Variants in SH3RF3 observed in about 807,000 individuals in gnomAD.
SH3RF3 encodes SH3 domain containing ring finger 3, also known as E3 ubiquitin-protein ligase SH3RF3.
SH3RF3 carries 29 observed loss-of-function variants against 66.3 expected under a neutral mutation model. The observed-to-expected ratio is 0.44, with a 90% CI of 0.33 to 0.60. The LOEUF is 0.60. SH3RF3 is among the 20% of genes least tolerant of loss of function. The pLI is 0.04. For synonymous variants in SH3RF3, 583 were observed against 532.0 expected (o/e 1.10, Z -1.32); for missense variants, 1,194 against 1,190.9 (o/e 1.00, Z -0.04).
intron 8 of SH3RF3, among the ~76,000 whole-genome samples, chr2:109,484,170 G>C (rs1033739426): frequency 6.6e-6 from 1 of 151,200 alleles, no homozygotes; most frequent in Non-Finnish European, 1.5e-5. Flanking sequence ...GGGTTCAAGC[G>C]ATTCTCCTGC....
chr2:109,302,118 A>G (rs1681483062), intron 1 of SH3RF3, among the ~76,000 whole-genome samples: 1 of 152,184 alleles, frequency 6.6e-6, no homozygotes, highest in Non-Finnish European at 1.5e-5. Flanking sequence ...CAGAGAATGG[A>G]GAGGCTGGTC....
chr2:109,244,888 G>A (rs1679876890), intron 1 of SH3RF3, among the ~76,000 whole-genome samples: 1 of 152,224 alleles, frequency 6.6e-6, no homozygotes, highest in African/African-American at 2.4e-5. Flanking sequence ...ATTCTGCAGG[G>A]TGTGGACACA....
Position 109,442,050 on chromosome 2 carries a change from G to A in SH3RF3, c.1828+4904G>A, listed in dbSNP as rs931228369. Among the ~76,000 whole-genome samples the A allele has an allele frequency of 7.9e-5, 12 of 152,268 alleles. 1 individual carries two copies. Among genetic ancestry groups the A allele is most frequent in the South Asian group, 2.1e-4 (1 of 4,822 alleles). Reference sequence around the variant, plus strand: ...CTATTGGCCAGGCACAGTGGCTCACGCCTGTAATCCCAGCACTTTGGGAGG... The same window carrying A: ...CTATTGGCCAGGCACAGTGGCTCACACCTGTAATCCCAGCACTTTGGGAGG... On this transcript the variant is annotated intron_variant, in intron 7 of 9. Transcript: ENST00000309415.
chr2:109,350,666 C>T (rs969778867), intron 2 of SH3RF3, among the ~76,000 whole-genome samples: 9 of 152,214 alleles, frequency 5.9e-5, no homozygotes, highest in Admixed American at 3.9e-4. Flanking sequence ...TTTTCCCCCA[C>T]GGTGGGTCCG....
chr2:109,305,080 A>G (rs1681559745), intron 1 of SH3RF3, among the ~76,000 whole-genome samples: 1 of 152,216 alleles, frequency 6.6e-6, no homozygotes, highest in Non-Finnish European at 1.5e-5. Context: ...ATTTGGGTCC[A>G]TGCTGTAAGA....
At chr2:109,460,989 C>T (rs1197885078) in intron 8 of SH3RF3, among the ~76,000 whole-genome samples, 1 of 152,228 alleles carries the variant, frequency 6.6e-6, no homozygotes, top group African/African-American at 2.4e-5. Flanking sequence ...GAACCAGGCT[C>T]AAGTCTTATC....
chr2:109,261,484 G>A (rs974295132), intron 1 of SH3RF3, among the ~76,000 whole-genome samples: 3 of 152,194 alleles, frequency 2.0e-5, no homozygotes, highest in Non-Finnish European at 2.9e-5. Context: ...TGTCAGACGT[G>A]TGTGAAATAT....
intron 1 of SH3RF3, among the ~76,000 whole-genome samples, chr2:109,239,588 C>T (rs552984425): frequency 3.9e-4 from 59 of 152,152 alleles, no homozygotes; most frequent in Middle Eastern, 3.4e-3. Flanking sequence ...TTTGCACACA[C>T]GAGACTGGGT....
In SH3RF3 at chr2:109,201,282, T is replaced by C. The variant is rs140311079; in HGVS notation, c.573+71169T>C. 6.3e-3 allele frequency among the ~76,000 whole-genome samples: 962 copies of C among 152,356 alleles called. 4 individuals carry two copies. The highest frequency in any genetic ancestry group is 9.3e-3 in the Non-Finnish European group (630 of 68,032). The stretch of plus-strand genomic sequence containing the variant: ...TTTGCTGGCCTTGTATTTGAAGCCT[T>C]TCACAGACAGACCCCAGCCCCACTC... On this transcript the variant is annotated intron_variant, in intron 1 of 9. Coordinates refer to ENST00000309415, the MANE Select transcript of SH3RF3 (RefSeq NM_001099289.3).
intron 3 of SH3RF3, among the ~76,000 whole-genome samples, chr2:109,374,105 C>T (rs1201443438): frequency 6.6e-6 from 1 of 152,204 alleles, no homozygotes; most frequent in Non-Finnish European, 1.5e-5. Flanking sequence ...CATAGCCCCA[C>T]CTGCCCCCAC....
intron 1 of SH3RF3, among the ~76,000 whole-genome samples, chr2:109,266,089 T>G (rs1014792255): frequency 1.3e-5 from 2 of 151,930 alleles, no homozygotes; most frequent in Non-Finnish European, 2.9e-5. Context: ...GTATGTGTGT[T>G]GTGCGTGCAT....
At chr2:109,141,358 TTCC>T (rs989746488) in intron 1 of SH3RF3, 1 of 152,626 alleles carries the variant, frequency 6.6e-6, no homozygotes, top group African/African-American at 2.4e-5. Context: ...TGGGTCCCTC[TTCC>T]TCCAACTTGC....
chr2:109,267,700 C>T (rs2105309039), intron 1 of SH3RF3, among the ~76,000 whole-genome samples: 1 of 152,342 alleles, frequency 6.6e-6, no homozygotes, highest in South Asian at 2.1e-4. Context: ...TCCCCTTTCC[C>T]TTCTTTTACT....
intron 9 of SH3RF3, among the ~76,000 whole-genome samples, chr2:109,498,027 C>T (rs1679296735): frequency 6.6e-6 from 1 of 152,198 alleles, no homozygotes; most frequent in Non-Finnish European, 1.5e-5. Context: ...TGTGTGTATG[C>T]TGTCTGATTT....
In SH3RF3 at chr2:109,297,213, G is replaced by A. The variant is rs559520291; in HGVS notation, c.574-50461G>A. 7.2e-5 allele frequency among the ~76,000 whole-genome samples: 11 copies of A among 152,056 alleles called. No individual in the cohort carries two copies. The East Asian group carries it at 1.4e-3, about 19-fold the overall frequency. ...GGTGAGTTCCCCAAGAAGACCCTGC[G>A]ATTCATTCAGCTGTTTTTCATTGAC... is the stretch of plus-strand genomic sequence containing the variant. On this transcript the variant is annotated intron_variant, in intron 1 of 9. Coordinates refer to ENST00000309415, the MANE Select transcript of SH3RF3 (RefSeq NM_001099289.3).
intron 1 of SH3RF3, among the ~76,000 whole-genome samples, chr2:109,330,095 T>C (rs1682249852): frequency 1.3e-5 from 2 of 152,256 alleles, no homozygotes; most frequent in South Asian, 4.2e-4. Context: ...TGTAATGAAA[T>C]ATATGTAGCA....
chr2:109,285,398 T>TTA (rs1004350608), intron 1 of SH3RF3, among the ~76,000 whole-genome samples: 17 of 152,344 alleles, frequency 1.1e-4, no homozygotes, highest in African/African-American at 4.1e-4. Context: ...ACTTTTGTCT[T>TTA]AATTAGACTT....
chr2:109,434,701 G>A (rs971030895), intron 6 of SH3RF3, among the ~76,000 whole-genome samples: 1 of 152,154 alleles, frequency 6.6e-6, no homozygotes, highest in East Asian at 1.9e-4. Context: ...TCTGCCCACG[G>A]TGTCATCCCA....
intron 1 of SH3RF3, among the ~76,000 whole-genome samples, chr2:109,249,647 CTCTTTCTT>C (rs749986705): frequency 3.8e-5 from 5 of 130,768 alleles, no homozygotes; most frequent in Admixed American, 7.7e-5. Context: ...CTCTGTTTCT[CTCTTTCTT>C]TCTTTCTTTC....
Sources: gnomAD v4.1 joint callset for allele counts (sites outside exome capture counted in the v4.1 genomes callset) on GRCh38, gnomAD v4.1.1 for gene constraint, MANE v1.5 for transcripts, NCBI Gene and HGNC (gene_info 2026-07-23, HGNC 2026-07-21) for gene names.